The following CAMTA1 variants were observed in gnomAD, a reference collection of about 807,000 sequenced individuals.
The protein encoded by CAMTA1 is calmodulin-binding transcription activator 1.
CAMTA1 carries 27 observed loss-of-function variants against 170.9 expected under a neutral mutation model. The ratio of observed to expected loss-of-function variants is 0.16; its 90% confidence interval spans 0.12 to 0.22. CAMTA1 has a LOEUF of 0.22. Ranked by LOEUF, CAMTA1 falls within the 10% of genes least tolerant of loss-of-function variation. The probability of loss-of-function intolerance (pLI) is 1.00; values close to 1 mark genes in which losing one functional copy is unlikely to be tolerated. For synonymous variants in CAMTA1, 833 were observed against 891.5 expected (o/e 0.93, Z 1.17); for missense variants, 1,619 against 2,217.2 (o/e 0.73, Z 5.42).
At chr1:6,927,450 T>C (rs942756925) in intron 3 of CAMTA1, among the ~76,000 whole-genome samples, 2 of 152,254 alleles carry the variant, frequency 1.3e-5, no homozygotes, top group African/African-American at 4.8e-5. Context: ...CAATAGCTGT[T>C]TGAAAATATA....
chr1:7,710,072 A>G (rs10492962), intron 11 of CAMTA1, among the ~76,000 whole-genome samples: 3,683 of 152,320 alleles, frequency 0.024, 134 homozygotes, highest in African/African-American at 0.082. Context: ...TAGCAGTCGC[A>G]TAAGGCCTGA....
intron 4 of CAMTA1, among the ~76,000 whole-genome samples, chr1:7,111,066 G>A (rs1451454703): frequency 6.6e-6 from 1 of 152,148 alleles, no homozygotes; most frequent in Non-Finnish European, 1.5e-5. Flanking sequence ...GCATTCTTTG[G>A]CTCTGGGTCC....
chr1:6,785,757 G>A (rs1639024392), intron 1 of CAMTA1, among the ~76,000 whole-genome samples, 182 bp downstream of exon 1: 1 of 137,082 alleles, frequency 7.3e-6, no homozygotes, highest in African/African-American at 2.6e-5. Flanking sequence ...GCCGAGTCCT[G>A]AGGTGACTCG....
intron 5 of CAMTA1, among the ~76,000 whole-genome samples, chr1:7,447,226 C>T (rs999941968): frequency 1.8e-4 from 27 of 151,896 alleles, no homozygotes; most frequent in East Asian, 7.7e-4. Flanking sequence ...ACGTGGTGCG[C>T]GTGGATGGTG....
intron 5 of CAMTA1, among the ~76,000 whole-genome samples, chr1:7,348,155 G>GC (rs1018143473): frequency 6.6e-5 from 10 of 151,984 alleles, no homozygotes; most frequent in African/African-American, 2.2e-4. Context: ...TCTTCTCACT[G>GC]CCCCCCAGCT....
chr1:7,005,864 A>C (rs187969156), intron 3 of CAMTA1, among the ~76,000 whole-genome samples: 1 of 152,338 alleles, frequency 6.6e-6, no homozygotes, highest in African/African-American at 2.4e-5. Flanking sequence ...ACATACAGCC[A>C]TTTGCAGAAT....
chr1:7,475,553 T>G (rs2093407124), intron 6 of CAMTA1, among the ~76,000 whole-genome samples: 1 of 152,214 alleles, frequency 6.6e-6, no homozygotes, highest in Non-Finnish European at 1.5e-5. Context: ...TCTTTGGTGT[T>G]ATAAGCACCC....
At chr1:7,540,010 C>A (rs2150099858) in intron 6 of CAMTA1, among the ~76,000 whole-genome samples, 1 of 152,302 alleles carries the variant, frequency 6.6e-6, no homozygotes, top group Non-Finnish European at 1.5e-5. Flanking sequence ...CTCCAGGAAG[C>A]CTTACCTTCT....
At chr1:7,719,633 A>G (rs2096636533) in intron 11 of CAMTA1, among the ~76,000 whole-genome samples, 1 of 152,236 alleles carries the variant, frequency 6.6e-6, no homozygotes, top group Non-Finnish European at 1.5e-5. Flanking sequence ...TTGGAAAATC[A>G]GAGTGGTACA....
intron 6 of CAMTA1, among the ~76,000 whole-genome samples, chr1:7,493,243 G>A (rs534298885): frequency 1.4e-4 from 17 of 122,414 alleles, no homozygotes; most frequent in Non-Finnish European, 1.3e-4. Flanking sequence ...GTACAATCAC[G>A]CACACACAAA....
chr1:6,990,201 G>A (rs1013346143), intron 3 of CAMTA1, among the ~76,000 whole-genome samples: 3 of 152,208 alleles, frequency 2.0e-5, no homozygotes, highest in Admixed American at 2.0e-4. Flanking sequence ...CAAGTGTTTA[G>A]TTCATTTATT....
chr1:7,482,250 G>C lies in CAMTA1; in HGVS notation c.510+14349G>C, dbSNP rs1473416603. Among the ~76,000 whole-genome samples, 1 of 152,162 alleles carries C rather than the reference G, an allele frequency of 6.6e-6. No homozygotes were observed. The highest frequency in any genetic ancestry group is 1.9e-4 in the East Asian group (1 of 5,192). On this transcript the variant is annotated intron_variant, in intron 6 of 22. Coordinates refer to ENST00000303635, the MANE Select transcript of CAMTA1 (RefSeq NM_015215.4). The surrounding 1 kb of genome is among the most constrained non-coding windows in gnomAD (Gnocchi z 4.2). ...AGGGGCATGATCTGTTTTGTTCACT[G>C]CTACATTTGGAGTGCCTGGAGCCAT...
At chr1:7,522,118 G>T (rs770394528) in intron 6 of CAMTA1, among the ~76,000 whole-genome samples, 23 of 152,114 alleles carry the variant, frequency 1.5e-4, no homozygotes, top group Non-Finnish European at 2.8e-4. Context: ...CCACTAACGG[G>T]GTATGACGGA....
In CAMTA1 at chr1:7,279,877, A is replaced by AG. The variant is rs549435769; in HGVS notation, c.438+30252dup. Among the ~76,000 whole-genome samples the AG allele has an allele frequency of 3.8e-3, 586 of 152,304 alleles. 3 individuals are homozygous for AG. Among genetic ancestry groups the AG allele is most frequent in the Non-Finnish European group, 7.7e-3 (521 of 68,026 alleles). On this transcript the variant is annotated intron_variant, in intron 5 of 22. Transcript: ENST00000303635. ...GGTGGTCCCTCTAGACCAAAAAAAA[A>AG]GAACTTGCCAAGAGAGACCCTTAGT...
intron 5 of CAMTA1, among the ~76,000 whole-genome samples, chr1:7,378,507 C>T (rs1271381558): frequency 6.6e-6 from 1 of 152,132 alleles, no homozygotes; most frequent in East Asian, 1.9e-4. Context: ...TCAGTCGCAG[C>T]AGGCCGCACA....
At chr1:7,624,533 G>T (rs1036892545) in intron 6 of CAMTA1, among the ~76,000 whole-genome samples, 27 of 152,234 alleles carry the variant, frequency 1.8e-4, no homozygotes, top group African/African-American at 5.8e-4. Context: ...ACTCTGCCTT[G>T]GTGAAGGTGG....
chr1:7,310,411 G>T (rs536204710), intron 5 of CAMTA1, among the ~76,000 whole-genome samples: 1 of 152,234 alleles, frequency 6.6e-6, no homozygotes, highest in Non-Finnish European at 1.5e-5. Flanking sequence ...CTGTGCCATT[G>T]TCTCACTAAC....
chr1:7,304,064 G>A (rs1343534610), intron 5 of CAMTA1, among the ~76,000 whole-genome samples: 2 of 134,460 alleles, frequency 1.5e-5, no homozygotes, highest in African/African-American at 2.4e-5. Context: ...GCTGGGGGAG[G>A]GGAGGGAGAT....
chr1:7,073,434 T>C (rs1638902686), intron 3 of CAMTA1, among the ~76,000 whole-genome samples: 1 of 151,922 alleles, frequency 6.6e-6, no homozygotes, highest in South Asian at 2.1e-4. Context: ...ACGTTTAAAG[T>C]TCTGAGTCTG....
Sources: allele counts gnomAD v4.1 joint callset (sites outside exome capture counted in the v4.1 genomes callset), GRCh38; gene constraint gnomAD v4.1.1; non-coding constraint Gnocchi (gnomAD v3.1); transcripts MANE v1.5; gene names NCBI Gene and HGNC (gene_info 2026-07-23, HGNC 2026-07-21).